GPC5: variants seen among roughly 807,000 people sequenced by gnomAD.
GPC5 encodes glypican-5.
Under a neutral mutation model 53.9 loss-of-function variants are expected in GPC5, and 47 were observed. The ratio of observed to expected loss-of-function variants is 0.87; its 90% CI spans 0.69 to 1.11. The LOEUF (loss-of-function observed/expected upper bound fraction) is 1.11, where lower values mean the gene tolerates loss of function less well. Ranked by LOEUF, GPC5 falls within the 50% of genes most tolerant of loss-of-function variation. GPC5 has a pLI of 0.00. For missense variants in GPC5, 748 were observed against 713.1 expected (o/e 1.05, Z -0.56); for synonymous variants, 286 against 263.3 (o/e 1.09, Z -0.84).
intron 6 of GPC5, among the ~76,000 whole-genome samples, chr13:92,131,037 A>G (rs1031274012): frequency 6.6e-6 from 1 of 152,000 alleles, no homozygotes; most frequent in African/African-American, 2.4e-5. Flanking sequence ...TAATGGACTA[A>G]TGACTTGAAT....
intron 7 of GPC5, among the ~76,000 whole-genome samples, chr13:92,360,129 C>G (rs1390297111): frequency 6.6e-6 from 1 of 151,638 alleles, no homozygotes; most frequent in Non-Finnish European, 1.5e-5. Flanking sequence ...CTTTTGGCAT[C>G]TTTGCCAAAG....
rs72633780 is a variant in GPC5, at chr13:92,010,725, G to C, written c.1401+102668G>C. 5.5e-3 allele frequency among the ~76,000 whole-genome samples: 844 copies of C among 152,246 alleles called. 6 individuals carry two copies. Among genetic ancestry groups the C allele is most frequent in the Middle Eastern group, 0.014 (4 of 294 alleles). ...GGAAGAAAGGCCACAGCAAGAGAAT[G>C]GTCATCTCTTGTTGTGTAAGGACAC... On this transcript the variant is annotated intron_variant, in intron 6 of 7. Coordinates refer to ENST00000377067, the MANE Select transcript of GPC5 (RefSeq NM_004466.6).
At chr13:92,478,126 T>C (rs1879221174) in intron 7 of GPC5, among the ~76,000 whole-genome samples, 1 of 152,190 alleles carries the variant, frequency 6.6e-6, no homozygotes, top group African/African-American at 2.4e-5. Flanking sequence ...TCACGGAGAA[T>C]TTGTTCAGTA....
chr13:92,605,587 T>A (rs1008039686), intron 7 of GPC5, among the ~76,000 whole-genome samples: 4 of 149,374 alleles, frequency 2.7e-5, no homozygotes, highest in African/African-American at 7.7e-5. Flanking sequence ...TTTTTTTTTT[T>A]TTTTTATTTT....
At chr13:92,015,017 T>C (rs2040694704) in intron 6 of GPC5, among the ~76,000 whole-genome samples, 1 of 152,114 alleles carries the variant, frequency 6.6e-6, no homozygotes, top group Admixed American at 6.6e-5. Context: ...TCCTTATTCT[T>C]CTCACCTTGG....
Position 92,814,739 on chromosome 13 carries a change from C to T in GPC5, c.1562-51543C>T, listed in dbSNP as rs554969577. ...AGAAATTTTGTCTTTGAAGTACAGG[C>T]CAAGATGCTGAAACTGTCCTTGATG... On this transcript the variant is annotated intron_variant, in intron 7 of 7. Transcript: ENST00000377067. Among the ~76,000 whole-genome samples the T allele has an allele frequency of 3.2e-4, 49 of 151,688 alleles. 1 individual carries two copies. The highest frequency in any genetic ancestry group is 3.4e-3 in the Middle Eastern group (1 of 294).
chr13:92,423,569 G>A (rs1434897664), intron 7 of GPC5, among the ~76,000 whole-genome samples: 3 of 152,248 alleles, frequency 2.0e-5, no homozygotes, highest in African/African-American at 7.2e-5. Flanking sequence ...CTCCACCAAA[G>A]CATAGAAAAG....
chr13:91,494,373 ACTT>A (rs200082418), intron 2 of GPC5, among the ~76,000 whole-genome samples: 13,302 of 150,104 alleles, frequency 0.089, 694 homozygotes, highest in African/African-American at 0.14. Context: ...TTATTATTTT[ACTT>A]CTTCCTATCA....
At chr13:92,246,751 T>G (rs985742494) in intron 7 of GPC5, among the ~76,000 whole-genome samples, 29 of 152,304 alleles carry the variant, frequency 1.9e-4, no homozygotes, top group Admixed American at 1.9e-3. Context: ...GCTTTTCTTT[T>G]AAATATATCA....
At chr13:91,789,702 T>C (rs968916469) in intron 5 of GPC5, among the ~76,000 whole-genome samples, 1 of 152,214 alleles carries the variant, frequency 6.6e-6, no homozygotes, top group East Asian at 1.9e-4. Context: ...CCTGTTGTAG[T>C]TCATTTCTGT....
intron 7 of GPC5, among the ~76,000 whole-genome samples, chr13:92,728,273 G>A (rs1888700134): frequency 6.6e-6 from 1 of 151,360 alleles, no homozygotes; most frequent in Admixed American, 6.6e-5. Context: ...TTGATGAAAT[G>A]TTTCAGCCCT....
At chr13:91,730,613 A>G (rs191527855) in intron 4 of GPC5, among the ~76,000 whole-genome samples, 23 of 152,318 alleles carry the variant, frequency 1.5e-4, no homozygotes, top group Admixed American at 1.4e-3. Context: ...CCACACAGCC[A>G]TGAAACTTCA....
chr13:92,480,307 C>T (rs2209829), intron 7 of GPC5, among the ~76,000 whole-genome samples: 116,721 of 151,974 alleles, frequency 0.77, 44,867 homozygotes, highest in Admixed American at 0.8. Flanking sequence ...CTTGTTTACA[C>T]AGCTCACATA....
At chr13:91,636,522 T>C (rs2034290118) in intron 2 of GPC5, among the ~76,000 whole-genome samples, 1 of 152,128 alleles carries the variant, frequency 6.6e-6, no homozygotes, top group Non-Finnish European at 1.5e-5. Context: ...GTGATTACAG[T>C]AGACTTATAG....
intron 7 of GPC5, among the ~76,000 whole-genome samples, chr13:92,542,722 C>T (rs917790308): frequency 6.6e-6 from 1 of 152,002 alleles, no homozygotes; most frequent in Admixed American, 6.6e-5. Flanking sequence ...AAGACTTTGT[C>T]TTTCACTCCT....
chr13:92,318,967 G>C (rs1419839586), intron 7 of GPC5, among the ~76,000 whole-genome samples: 1 of 152,074 alleles, frequency 6.6e-6, no homozygotes, highest in Non-Finnish European at 1.5e-5. Flanking sequence ...AGTGTTGTTT[G>C]GTTGGTGGAA....
chr13:91,713,734 A>G (rs555011405), intron 3 of GPC5, among the ~76,000 whole-genome samples: 1 of 152,222 alleles, frequency 6.6e-6, no homozygotes, highest in South Asian at 2.1e-4. Flanking sequence ...GAACCTGGTT[A>G]CTCTTTAGTA....
intron 6 of GPC5, among the ~76,000 whole-genome samples, chr13:92,093,362 T>A (rs1309526712): frequency 1.3e-5 from 2 of 152,152 alleles, no homozygotes; most frequent in Non-Finnish European, 2.9e-5. Context: ...AAATATACAT[T>A]AAACAGTCCT....
chr13:92,134,401 T>G (rs994245151), intron 6 of GPC5, among the ~76,000 whole-genome samples: 23 of 152,130 alleles, frequency 1.5e-4, no homozygotes, highest in African/African-American at 5.3e-4. Flanking sequence ...AAAACATATC[T>G]TCAAATATAT....
Sources: gnomAD v4.1 joint callset for allele counts (sites outside exome capture counted in the v4.1 genomes callset) on GRCh38, gnomAD v4.1.1 for gene constraint, MANE v1.5 for transcripts, NCBI Gene and HGNC (gene_info 2026-07-23, HGNC 2026-07-21) for gene names.